Variants in SH3PXD2B observed in about 807,000 individuals in gnomAD.
The protein encoded by SH3PXD2B is SH3 and PX domains 2B.
Under a neutral mutation model 73.1 loss-of-function variants are expected in SH3PXD2B, and 37 were observed. The ratio of observed to expected loss-of-function variants is 0.51; its 90% CI spans 0.39 to 0.67. The LOEUF (loss-of-function observed/expected upper bound fraction) is 0.67, where lower values mean the gene tolerates loss of function less well. SH3PXD2B is among the 30% of genes least tolerant of loss of function. The pLI is 0.00. For missense variants in SH3PXD2B, 1,053 were observed against 1,197.8 expected (o/e 0.88, Z 1.78); for synonymous variants, 457 against 480.5 (o/e 0.95, Z 0.64).
rs1485736204 is a variant in SH3PXD2B at position 172,368,568 on chromosome 5, A to C, written c.427+5222T>G. ...ATATATATATATTATATATATATAAAATATGTTATATATATATATAAAATA... is the reference window on the plus strand; with the variant it reads ...ATATATATATATTATATATATATAACATATGTTATATATATATATAAAATA... On this transcript the variant is annotated intron_variant, in intron 6 of 12. Transcript: ENST00000311601. Among the ~76,000 whole-genome samples the C allele has an allele frequency of 2.0e-3, 39 of 19,162 alleles. 9 individuals carry two copies. The highest frequency in any genetic ancestry group is 0.017 in the African/African-American group (39 of 2,244). The allele number at this position is 19,162 out of a possible 152,430, so 12.6% of individuals were successfully genotyped here.
At chr5:172,396,042 G>A (rs781681424) in intron 3 of SH3PXD2B, among the ~76,000 whole-genome samples, 3 of 152,038 alleles carry the variant, frequency 2.0e-5, no homozygotes, top group Non-Finnish European at 2.9e-5. Flanking sequence ...GGCAGGCAGG[G>A]ATAGGATGGC....
chr5:172,369,402 C>A (rs1208007879), intron 6 of SH3PXD2B, among the ~76,000 whole-genome samples: 1 of 152,078 alleles, frequency 6.6e-6, no homozygotes, highest in Non-Finnish European at 1.5e-5. Context: ...GAAAGTTTGT[C>A]AACCCCTGGC....
In SH3PXD2B at chr5:172,339,625, C is replaced by T. The variant is rs1756803114; in HGVS notation, c.1480G>A (p.Val494Ile). Residue 494 changes from valine to isoleucine, a missense_variant, in exon 13 of 13, where the codon GTC becomes ATC. Physicochemically the swap from Val to Ile is conservative, Grantham distance 29. Around this residue, in one of 2 missense-constraint regions of SH3PXD2B, gnomAD observed 587 missense variants for 590.7 expected, o/e 0.99. Coordinates refer to ENST00000311601, the MANE Select transcript of SH3PXD2B (RefSeq NM_001017995.3). The surrounding 1 kb of genome is among the most constrained non-coding windows in gnomAD (Gnocchi z 6.1). ...WSKDWKGSKD[V>I]LRKASSDMSA... ...ATGTCTGAAGATGCCTTCCTCAGGA[C>T]ATCCTTACTGCCCTTCCAGTCTTTA... The T allele has an allele frequency of 1.2e-6, 2 of 1,614,276 alleles. No individual in the cohort carries two copies. Among genetic ancestry groups the T allele is most frequent in the Non-Finnish European group, 1.7e-6 (2 of 1,180,048 alleles).
chr5:172,374,858 A>G (rs1013972186), intron 5 of SH3PXD2B, among the ~76,000 whole-genome samples: 3 of 150,436 alleles, frequency 2.0e-5, no homozygotes, highest in African/African-American at 7.5e-5. Context: ...CAGTGCCGGC[A>G]CCCTGCTAGG....
At chr5:172,423,962 C>T (rs1260528839) in intron 1 of SH3PXD2B, among the ~76,000 whole-genome samples, 1 of 152,096 alleles carries the variant, frequency 6.6e-6, no homozygotes, top group Non-Finnish European at 1.5e-5. Context: ...ACTTTTGCTC[C>T]AACTCTGGAG....
intron 1 of SH3PXD2B, among the ~76,000 whole-genome samples, chr5:172,440,687 C>T (rs1759535348): frequency 1.3e-5 from 2 of 152,148 alleles, no homozygotes; most frequent in East Asian, 3.9e-4. Flanking sequence ...GGTCCCGGGC[C>T]GAGGCGTCCT....
At chr5:172,365,046 T>A (rs1757483944) in intron 6 of SH3PXD2B, among the ~76,000 whole-genome samples, 1 of 152,338 alleles carries the variant, frequency 6.6e-6, no homozygotes, top group South Asian at 2.1e-4. Flanking sequence ...TCTGTGCCCA[T>A]GCTCTGGCCA....
chr5:172,401,228 T>C (rs1758415011), intron 3 of SH3PXD2B, among the ~76,000 whole-genome samples: 1 of 152,242 alleles, frequency 6.6e-6, no homozygotes, highest in Admixed American at 6.5e-5. Context: ...CGGATTTCTG[T>C]ATCACCCCGT....
rs1756773201 is a variant in SH3PXD2B, at chr5:172,338,942, T to C, written c.2163A>G (p.Pro721=). The change falls in exon 13 of 13, where the codon CCA becomes CCG. Residue 721 remains proline (P), a synonymous_variant. Coordinates refer to ENST00000311601, the MANE Select transcript of SH3PXD2B (RefSeq NM_001017995.3). This position sits in a 1 kb window ranked among gnomAD's most constrained non-coding sequence, Gnocchi z 5.1. ...DRTGKQDGLS[P]KEISCRAPPR... ...GAGGGGCTCTGCAGGAAATCTCTTT[T>C]GGGCTGAGACCATCCTGTTTGCCCG... The C allele has an allele frequency of 3.1e-6, 5 of 1,614,032 alleles. No homozygotes were observed. In the African/African-American group the frequency reaches 4.0e-5, roughly 13 times the overall value.
chr5:172,333,608 C>T lies in SH3PXD2B; in HGVS notation c.*4761G>A, dbSNP rs1365543048. The T allele has an allele frequency of 3.9e-6, 5 of 1,281,810 alleles. No homozygotes were observed. The highest frequency in any genetic ancestry group is 5.1e-6 in the Non-Finnish European group (5 of 986,662). 79.4% of individuals were successfully genotyped at this position (1,281,810 alleles called of 1,614,324 possible). ...CCTACACATGCTACAGCTAGTTGTT[C>T]TCACCCCTCCCCTCACATCCTATAT... On this transcript the variant is annotated 3_prime_UTR_variant, in exon 13 of 13. Transcript: ENST00000311601.
Position 172,436,448 on chromosome 5 carries a change from G to C in SH3PXD2B, c.76-13952C>G, listed in dbSNP as rs539733313. ...CTGCCTGCTTCAGGCAGACAACAAA[G>C]GGTTCCAGGCCTTTAAAACATTTGA... On this transcript the variant is annotated intron_variant, in intron 1 of 12. Coordinates refer to ENST00000311601, the MANE Select transcript of SH3PXD2B (RefSeq NM_001017995.3). Among the ~76,000 whole-genome samples, 10 of 152,314 alleles carry C rather than the reference G, an allele frequency of 6.6e-5. 1 individual carries two copies. In the South Asian group the frequency reaches 2.1e-3, roughly 32 times the overall value.
downstream of SH3PXD2B, among the ~76,000 whole-genome samples, chr5:172,329,083 A>ATATATATTTTTTT (rs58472514): frequency 1.6e-4 from 10 of 61,808 alleles, no homozygotes; most frequent in Non-Finnish European, 2.7e-4. Flanking sequence ...ATATATATAT[A>ATATATATTTTTTT]TTTTTTTTTT....
chr5:172,401,770 T>C (rs542975634), intron 3 of SH3PXD2B, among the ~76,000 whole-genome samples: 1 of 152,206 alleles, frequency 6.6e-6, no homozygotes, highest in Non-Finnish European at 1.5e-5. Flanking sequence ...GAACAACAAA[T>C]GTCCATGAAG....
chr5:172,452,850 A>G (rs1435466737), intron 1 of SH3PXD2B, among the ~76,000 whole-genome samples: 2 of 152,148 alleles, frequency 1.3e-5, no homozygotes, highest in Non-Finnish European at 2.9e-5. Context: ...AACAAAAAAT[A>G]AAAAAAGGAA....
chr5:172,454,186 C>T (rs1019553296), intron 1 of SH3PXD2B, 92 bp downstream of exon 1: 30 of 1,081,808 alleles, frequency 2.8e-5, no homozygotes, highest in Admixed American at 2.7e-4. Context: ...GGACGGGAAG[C>T]GCTGGAGGCA....
At chr5:172,405,777 A>C (rs373695080) in intron 3 of SH3PXD2B, among the ~76,000 whole-genome samples, 3 of 152,150 alleles carry the variant, frequency 2.0e-5, no homozygotes, top group African/African-American at 7.2e-5. Flanking sequence ...TTAAGCTATT[A>C]AATTGGTGGT....
chr5:172,391,717 T>A (rs1188679988), intron 4 of SH3PXD2B, among the ~76,000 whole-genome samples: 3 of 152,248 alleles, frequency 2.0e-5, no homozygotes, highest in Non-Finnish European at 4.4e-5. Context: ...GTGATCTGTC[T>A]GCCTTGGCAC....
At chr5:172,333,108 GTAT>G (rs1272712101), downstream of SH3PXD2B, among the ~76,000 whole-genome samples, 1 of 94 alleles carries the variant, frequency 0.011, no homozygotes, top group Non-Finnish European at 0.024. Context: ...GCGAATTTTT[GTAT>G]TTTAGTAGAG....
chr5:172,327,975 G>A (rs552123109), intron 12 of SH3PXD2B, among the ~76,000 whole-genome samples: 3 of 151,976 alleles, frequency 2.0e-5, no homozygotes, highest in Non-Finnish European at 2.9e-5. Flanking sequence ...GGCTGGTCTC[G>A]AACTCCTGAC....
Sources: gnomAD v4.1 joint callset for allele counts (sites outside exome capture counted in the v4.1 genomes callset) on GRCh38, gnomAD v4.1.1 for gene constraint, gnomAD v4.1.1 regional missense constraint, Gnocchi (gnomAD v3.1) non-coding constraint, MANE v1.5 for transcripts, NCBI Gene and HGNC (gene_info 2026-07-23, HGNC 2026-07-21) for gene names.